Variants in IGF2R observed in about 807,000 individuals in gnomAD.
The protein encoded by IGF2R is cation-independent mannose-6-phosphate receptor.
IGF2R carries 91 observed loss-of-function variants against 270.6 expected under a neutral mutation model. That is an observed-to-expected ratio of 0.34 (90% CI 0.28 to 0.40). IGF2R has a LOEUF of 0.40. Among genes scored for constraint, IGF2R ranks in the 10% least tolerant of loss-of-function variants. IGF2R has a pLI of 1.00. For synonymous variants in IGF2R, 1,316 were observed against 1,258.9 expected, an observed-to-expected ratio of 1.05 and a Z score of -0.96; for missense variants, 2,805 against 3,188.3, an observed-to-expected ratio of 0.88 and a Z score of 2.90.
rs1783565991 is a variant in IGF2R at position 159,969,169 on chromosome 6, C to T, written c.-78C>T. ...CACCTCCGCCTTTGCCCTGGCGGCG[C>T]GACCCCGTCCCGGGCGCGGCCCCCA... On this transcript the variant is annotated 5_prime_UTR_variant, in exon 1 of 48. Coordinates refer to ENST00000356956, the MANE Select transcript of IGF2R (RefSeq NM_000876.4). 6.9e-6 allele frequency: 6 copies of T among 870,550 alleles called. No homozygotes were observed. The highest frequency in any genetic ancestry group is 1.3e-4 in the Admixed American group (2 of 15,926). 53.9% of individuals were successfully genotyped at this position (870,550 alleles called of 1,614,324 possible).
chr6:159,990,090 A>C (rs1783953248), intron 1 of IGF2R, among the ~76,000 whole-genome samples: 1 of 152,266 alleles, frequency 6.6e-6, no homozygotes, highest in Admixed American at 6.5e-5. Flanking sequence ...TAAAAGCAGA[A>C]GTGGAGCTGC....
In IGF2R at chr6:160,029,651, G is replaced by C. The variant is rs1777649700; in HGVS notation, c.878G>C (p.Arg293Thr). ...TITFVCPSER[R>T]EGTIPKLTAK... is the part of the protein sequence containing the mutation. ...ACATTTGTTTGCCCGTCGGAGCGGA[G>C]AGAGGTAAGTGACTCGTCTCCTGAT... is the stretch of plus-strand genomic sequence containing the variant. The change falls in exon 7 of 48, where the codon AGA becomes ACA. Residue 293 changes from arginine (R) to threonine (T), a missense_variant. Coordinates refer to ENST00000356956, the MANE Select transcript of IGF2R (RefSeq NM_000876.4). The C allele has an allele frequency of 6.2e-7, 1 of 1,609,374 alleles. No individual in the cohort carries two copies. Among genetic ancestry groups the C allele is most frequent in the Admixed American group, 1.7e-5 (1 of 60,008 alleles).
intron 12 of IGF2R, among the ~76,000 whole-genome samples, chr6:160,044,013 C>T (rs1413937603): frequency 2.0e-5 from 3 of 152,136 alleles, no homozygotes; most frequent in African/African-American, 4.8e-5. Flanking sequence ...TAACAAAAAG[C>T]AAGTGAACTA....
intron 1 of IGF2R, among the ~76,000 whole-genome samples, chr6:159,985,330 C>T (rs1179781523): frequency 2.0e-5 from 3 of 152,206 alleles, no homozygotes; most frequent in African/African-American, 7.2e-5. Context: ...CACCCGTGGG[C>T]CTCACACCGC....
chr6:160,001,864 T>C (rs974926392), intron 2 of IGF2R, among the ~76,000 whole-genome samples: 1 of 152,232 alleles, frequency 6.6e-6, no homozygotes, highest in Non-Finnish European at 1.5e-5. Flanking sequence ...AAGTGGTTTA[T>C]ACATTTTATA....
In IGF2R at chr6:160,070,021, C is replaced by T. The variant is rs763595868; in HGVS notation, c.4406C>T (p.Ser1469Leu). 7 of 1,614,216 alleles carry T rather than the reference C, an allele frequency of 4.3e-6. No individual in the cohort carries two copies. The highest frequency in any genetic ancestry group is 5.9e-6 in the Non-Finnish European group (7 of 1,180,030). ...TGTCCAGATGGGATTCGGAAAAAGT[C>T]AACCACCATCCGATTCACCTGCAGC... is the stretch of plus-strand genomic sequence containing the variant. ...DLCPDGIRKKSTTIRFTCSES... is the reference protein window; with the variant it reads ...DLCPDGIRKKLTTIRFTCSES... The change falls in exon 31 of 48, where the codon TCA becomes TTA. Residue 1469 changes from serine to leucine, a missense_variant. Physicochemically the swap from Ser to Leu is moderately radical, Grantham distance 145. Transcript: ENST00000356956.
intron 29 of IGF2R, among the ~76,000 whole-genome samples, chr6:160,066,921 G>A (rs923904772): frequency 3.3e-5 from 5 of 152,026 alleles, no homozygotes; most frequent in East Asian, 1.9e-4. Flanking sequence ...TCCTCCTCTC[G>A]TGCGTGCAGT....
chr6:160,096,500 T>A lies in IGF2R; in HGVS notation c.6717T>A (p.Ser2239=), dbSNP rs376444005. The A allele has an allele frequency of 6.2e-7, 1 of 1,614,080 alleles. No homozygotes were observed. The highest frequency in any genetic ancestry group is 8.5e-7 in the Non-Finnish European group (1 of 1,180,032). Residue 2239 remains serine (S), a synonymous_variant, in exon 45 of 48, where the codon TCT becomes TCA. Coordinates refer to ENST00000356956, the MANE Select transcript of IGF2R (RefSeq NM_000876.4). Reference sequence around the variant, plus strand: ...AGTGCGGAAAGGATAAGACCAAGTCTGTTTCTTCCACCATCTTCTTCCACT... The same window carrying A: ...AGTGCGGAAAGGATAAGACCAAGTCAGTTTCTTCCACCATCTTCTTCCACT... The part of the protein sequence containing the change: ...SSKCGKDKTK[S]VSSTIFFHCD...
In IGF2R at chr6:160,102,025, T is replaced by G. The variant is rs1779497501; in HGVS notation, c.6843-494T>G. 6.6e-6 allele frequency among the ~76,000 whole-genome samples: 1 copy of G among 152,112 alleles called. No individual in the cohort carries two copies. Among genetic ancestry groups the G allele is most frequent in the South Asian group, 2.1e-4 (1 of 4,820 alleles). On this transcript the variant is annotated intron_variant, in intron 45 of 47. Transcript: ENST00000356956. This position sits in a 1 kb window ranked among gnomAD's most constrained non-coding sequence, Gnocchi z 4.5. The stretch of plus-strand genomic sequence containing the variant: ...CCCCACCCTGGTCTGTGGCCGCCCC[T>G]GGGCCCCGTCCTGGCCTGTTTCTAA...
At chr6:159,989,728 T>A (rs1583244980) in intron 1 of IGF2R, among the ~76,000 whole-genome samples, 1 of 152,172 alleles carries the variant, frequency 6.6e-6, no homozygotes, top group South Asian at 2.1e-4. Flanking sequence ...ACTGGCCAGG[T>A]CTTTATTTTT....
chr6:160,075,967 G>A lies in IGF2R; in HGVS notation c.5287G>A (p.Ala1763Thr), dbSNP rs780405127. The change falls in exon 36 of 48, where the codon GCG becomes ACG. Residue 1763 changes from alanine (A) to threonine (T), a missense_variant. Physicochemically the swap from Ala to Thr is moderately conservative, Grantham distance 58. This residue lies in a region of IGF2R where 1,851 missense variants were observed against 2,207.2 expected (regional missense o/e 0.84). Transcript: ENST00000356956. Reference protein sequence around the residue: ...DKHFNYTSLIAFHCKRGVSMG... With the variant: ...DKHFNYTSLITFHCKRGVSMG... ...GCATTTCAACTACACCTCGCTCATC[G>A]CGTTTCACTGTAAGAGAGGTGTGAG... 15 of 1,614,182 alleles carry A rather than the reference G, an allele frequency of 9.3e-6. No homozygotes were observed. The Admixed American group carries it at 1.0e-4, about 11-fold the overall frequency.
At chr6:159,973,566 G>A (rs931328890) in intron 1 of IGF2R, among the ~76,000 whole-genome samples, 16 of 152,144 alleles carry the variant, frequency 1.1e-4, no homozygotes, top group Non-Finnish European at 2.1e-4. Flanking sequence ...TTTTTCCAAA[G>A]GAACAGTGCT....
chr6:160,048,413 A>G lies in IGF2R; in HGVS notation c.2384A>G (p.Tyr795Cys), dbSNP rs1381190988. The G allele has an allele frequency of 6.2e-7, 1 of 1,614,258 alleles. No individual in the cohort carries two copies. The highest frequency in any genetic ancestry group is 8.5e-7 in the Non-Finnish European group (1 of 1,180,044). Residue 795 changes from tyrosine (Y) to cysteine (C), a missense_variant, in exon 18 of 48, where the codon TAT becomes TGT. Tyr to Cys is a radical substitution (Grantham distance 194). This residue lies in a region of IGF2R where 1,851 missense variants were observed against 2,207.2 expected (regional missense o/e 0.84). Coordinates refer to ENST00000356956, the MANE Select transcript of IGF2R (RefSeq NM_000876.4). ...KSEGGLGGNWYAMDNSGEHVT... is the reference protein window; with the variant it reads ...KSEGGLGGNWCAMDNSGEHVT... ...GAAGGTGGCCTTGGAGGAAACTGGTATGCCATGGACAACTCAGGGGAACAT... is the reference window on the plus strand; with the variant it reads ...GAAGGTGGCCTTGGAGGAAACTGGTGTGCCATGGACAACTCAGGGGAACAT...
intron 19 of IGF2R, 115 bp from the exon 20 acceptor site, chr6:160,056,309 T>C: frequency 1.4e-6 from 1 of 717,458 alleles, no homozygotes; most frequent in Admixed American, 2.0e-5. Context: ...ATTGGCTGAC[T>C]CATAATAAAC....
chr6:160,020,222 A>C (rs1242535289), intron 4 of IGF2R, among the ~76,000 whole-genome samples: 3 of 151,938 alleles, frequency 2.0e-5, no homozygotes, highest in African/African-American at 7.2e-5. Context: ...AAAAAAAAAA[A>C]CCCACTAGAA....
rs1462975063 is a variant in IGF2R, at chr6:160,045,770, G to C, written c.1791G>C (p.Leu597Phe). 3.1e-6 allele frequency: 5 copies of C among 1,614,020 alleles called. No homozygotes were observed. In the Admixed American group the frequency reaches 8.3e-5, roughly 27 times the overall value. The change falls in exon 14 of 48, where the codon TTG becomes TTC. Residue 597 changes from leucine (L) to phenylalanine (F), a missense_variant. By Grantham distance (22) the Leu-to-Phe change is conservative. Around this residue, in one of 2 missense-constraint regions of IGF2R, gnomAD observed 954 missense variants for 981.1 expected, o/e 0.97. Coordinates refer to ENST00000356956, the MANE Select transcript of IGF2R (RefSeq NM_000876.4). ...GTGATCTGGAAAGTGCACCAGTGTT[G>C]AGAACTTCTGGGGAAGGCGGTTGCT... is the stretch of plus-strand genomic sequence containing the variant. ...KPGDLESAPV[L>F]RTSGEGGCFY...
At chr6:160,061,354 A>G (rs1778434558) in intron 23 of IGF2R, 149 bp from the exon 24 acceptor site, 1 of 754,704 alleles carries the variant, frequency 1.3e-6, no homozygotes, top group Non-Finnish European at 2.2e-6. Flanking sequence ...TTTGTAGGCA[A>G]AGCCTCTCAG....
At chr6:160,060,197 GCCA>G (rs1481061133) in intron 22 of IGF2R, among the ~76,000 whole-genome samples, 1 of 151,962 alleles carries the variant, frequency 6.6e-6, no homozygotes, top group Non-Finnish European at 1.5e-5. Context: ...CATAACACAG[GCCA>G]CCGTTGCAGT....
intron 2 of IGF2R, among the ~76,000 whole-genome samples, chr6:160,002,496 G>T (rs578086884): frequency 6.6e-6 from 1 of 152,172 alleles, no homozygotes; most frequent in African/African-American, 2.4e-5. Context: ...TTCATGTTGC[G>T]TAGGCTGAGT....
Sources: gnomAD v4.1 joint callset for allele counts (sites outside exome capture counted in the v4.1 genomes callset) on GRCh38, gnomAD v4.1.1 for gene constraint, gnomAD v4.1.1 regional missense constraint, Gnocchi (gnomAD v3.1) non-coding constraint, MANE v1.5 for transcripts, NCBI Gene and HGNC (gene_info 2026-07-23, HGNC 2026-07-21) for gene names.